Variants in ANGPT4 observed in about 807,000 individuals in gnomAD.
ANGPT4 encodes the protein angiopoietin 4.
ANGPT4 carries 50 observed loss-of-function variants against 53.0 expected under a neutral mutation model. The ratio of observed to expected loss-of-function variants is 0.94; its 90% confidence interval spans 0.75 to 1.20. The LOEUF (loss-of-function observed/expected upper bound fraction) is 1.20. ANGPT4 is among the 50% of genes most tolerant of loss of function. ANGPT4 has a pLI of 0.00. For missense variants in ANGPT4, 648 were observed against 637.1 expected (o/e 1.02, Z -0.18); for synonymous variants, 251 against 259.7 (o/e 0.97, Z 0.32).
intron 1 of ANGPT4, among the ~76,000 whole-genome samples, chr20:897,223 C>A (rs1982091610): frequency 6.6e-6 from 1 of 152,192 alleles, no homozygotes; most frequent in South Asian, 2.1e-4. Context: ...CATGGACGTG[C>A]ATGATATTTG....
chr20:893,666 C>T lies in ANGPT4; in HGVS notation c.310-3298G>A, dbSNP rs1981933400. Among the ~76,000 whole-genome samples the T allele has an allele frequency of 2.0e-5, 3 of 152,146 alleles. No homozygotes were observed. The South Asian group carries it at 6.2e-4, about 32-fold the overall frequency. On this transcript the variant is annotated intron_variant, in intron 1 of 8. Transcript: ENST00000381922. ...CATGGTTTCCAATGAGCATCTCAAG[C>T]CCAGTGTGAAACTCTTCATTCCTCA...
intron 1 of ANGPT4, among the ~76,000 whole-genome samples, chr20:899,404 C>T (rs774297493): frequency 2.6e-4 from 40 of 151,964 alleles, no homozygotes; most frequent in African/African-American, 3.1e-4. Context: ...CCTGCCACCA[C>T]GCCTAGCTAA....
rs546791440 is a variant in ANGPT4, at chr20:911,718, G to A, written c.309+4188C>T. ...CCGTCCCAGCTACTTGGAAGACTGA[G>A]GCGGGAGGATCGCTTGAGCTCAGGA... On this transcript the variant is annotated intron_variant, in intron 1 of 8. Transcript: ENST00000381922. The surrounding 1 kb of genome is among the most constrained non-coding windows in gnomAD (Gnocchi z 4.9). Among the ~76,000 whole-genome samples the A allele has an allele frequency of 6.9e-4, 105 of 152,276 alleles. No individual in the cohort carries two copies. The highest frequency in any genetic ancestry group is 4.1e-4 in the Non-Finnish European group (28 of 68,030).
intron 1 of ANGPT4, among the ~76,000 whole-genome samples, chr20:905,236 G>T (rs979653743): frequency 6.6e-6 from 1 of 152,154 alleles, no homozygotes; most frequent in African/African-American, 2.4e-5. Context: ...AATCACTTTA[G>T]TCATTTGTCA....
intron 3 of ANGPT4, among the ~76,000 whole-genome samples, chr20:887,976 T>A (rs553948868): frequency 1.3e-5 from 2 of 152,148 alleles, no homozygotes; most frequent in East Asian, 1.9e-4. Context: ...TCCCACCCAG[T>A]GCAGGGGCCA....
At chr20:879,900 C>G (rs763181713) in intron 5 of ANGPT4, 52 bp from the exon 6 acceptor site, 2 of 1,458,894 alleles carry the variant, frequency 1.4e-6, no homozygotes, top group Admixed American at 1.7e-5. Flanking sequence ...TAGCCAGAGG[C>G]CAGGCCTGTG....
At chr20:892,254 C>G (rs866310643) in intron 1 of ANGPT4, among the ~76,000 whole-genome samples, 9 of 152,108 alleles carry the variant, frequency 5.9e-5, no homozygotes, top group Non-Finnish European at 7.3e-5. Context: ...AAAACAACAA[C>G]AACAACATAA....
At chr20:897,729 G>C (rs558695067) in intron 1 of ANGPT4, among the ~76,000 whole-genome samples, 1 of 152,144 alleles carries the variant, frequency 6.6e-6, no homozygotes, top group African/African-American at 2.4e-5. Context: ...CCGCTTCTCC[G>C]TGTCTCTAGC....
intron 4 of ANGPT4, 42 bp from the exon 5 acceptor site, chr20:881,328 G>A (rs1981398495): frequency 6.3e-7 from 1 of 1,587,242 alleles, no homozygotes; most frequent in Non-Finnish European, 8.6e-7. Context: ...GGTGGGCAAG[G>A]AAAGAGAGAA....
chr20:884,178 C>A (rs534381304), intron 4 of ANGPT4, among the ~76,000 whole-genome samples: 1 of 152,358 alleles, frequency 6.6e-6, no homozygotes, highest in East Asian at 1.9e-4. Flanking sequence ...AAAAGCCTCC[C>A]ATGCCCCCTG....
chr20:881,380 G>C (rs1461173101), intron 4 of ANGPT4, 94 bp from the exon 5 acceptor site: 1 of 1,120,812 alleles, frequency 8.9e-7, no homozygotes, highest in East Asian at 2.5e-5. Flanking sequence ...GCCAGGTTCT[G>C]GGTTGGGAGG....
intron 1 of ANGPT4, among the ~76,000 whole-genome samples, chr20:894,471 G>T (rs1981967728): frequency 6.6e-6 from 1 of 152,106 alleles, no homozygotes; most frequent in Admixed American, 6.5e-5. Context: ...CAGAGCATGG[G>T]CTAGCAGGCT....
At chr20:878,111 C>T in intron 7 of ANGPT4, 50 bp downstream of exon 7, 1 of 1,546,846 alleles carries the variant, frequency 6.5e-7, no homozygotes, top group Non-Finnish European at 8.8e-7. Flanking sequence ...CCCAGCCCGC[C>T]CACTAGCTGA....
At chr20:893,242 G>A (rs551440671) in intron 1 of ANGPT4, among the ~76,000 whole-genome samples, 1 of 152,202 alleles carries the variant, frequency 6.6e-6, no homozygotes, top group African/African-American at 2.4e-5. Flanking sequence ...AGCAGGTCCT[G>A]AGAGTCATTA....
At chr20:910,349 C>T (rs1332713777) in intron 1 of ANGPT4, among the ~76,000 whole-genome samples, 1 of 152,210 alleles carries the variant, frequency 6.6e-6, no homozygotes, top group Non-Finnish European at 1.5e-5. Flanking sequence ...ACTGCTTTTT[C>T]ATCCTCCACT....
At chr20:897,378 C>T (rs763575486) in intron 1 of ANGPT4, among the ~76,000 whole-genome samples, 6 of 152,298 alleles carry the variant, frequency 3.9e-5, no homozygotes, top group Non-Finnish European at 8.8e-5. Context: ...ATTGAGTAAA[C>T]GGTCTTTTCA....
chr20:875,882 C>T (rs1458607432), intron 7 of ANGPT4, among the ~76,000 whole-genome samples: 6 of 152,198 alleles, frequency 3.9e-5, no homozygotes, highest in African/African-American at 9.6e-5. Flanking sequence ...GTAATCCCCG[C>T]ACTTTGGGAG....
At chr20:876,830 T>A (rs1304941199) in intron 7 of ANGPT4, among the ~76,000 whole-genome samples, 1 of 152,150 alleles carries the variant, frequency 6.6e-6, no homozygotes, top group East Asian at 1.9e-4. Flanking sequence ...TTGGTATGGA[T>A]CCCATAAGGA....
intron 4 of ANGPT4, among the ~76,000 whole-genome samples, chr20:882,340 C>G (rs561690965): frequency 1.3e-5 from 2 of 152,300 alleles, no homozygotes; most frequent in African/African-American, 4.8e-5. Context: ...TCCAATCTCT[C>G]TGGGTAGCCA....
Sources: gnomAD v4.1 joint callset for allele counts (sites outside exome capture counted in the v4.1 genomes callset) on GRCh38, gnomAD v4.1.1 for gene constraint, Gnocchi (gnomAD v3.1) non-coding constraint, MANE v1.5 for transcripts, NCBI Gene and HGNC (gene_info 2026-07-23, HGNC 2026-07-21) for gene names.